The following SGCE variants were observed in gnomAD, a reference collection of about 807,000 sequenced individuals.
SGCE encodes the protein epsilon-sarcoglycan.
Under a neutral mutation model 57.8 loss-of-function variants are expected in SGCE, and 26 were observed. The observed-to-expected ratio is 0.45, with a 90% CI of 0.33 to 0.62. The LOEUF (loss-of-function observed/expected upper bound fraction) is 0.62, where lower values mean the gene tolerates loss of function less well. Among genes scored for constraint, SGCE ranks in the 20% least tolerant of loss-of-function variants. The probability of loss-of-function intolerance (pLI) is 0.02; values close to 1 mark genes in which losing one functional copy is unlikely to be tolerated. For missense variants in SGCE, 468 were observed against 548.6 expected, an observed-to-expected ratio of 0.85 and a Z score of 1.47; for synonymous variants, 183 against 189.5, an observed-to-expected ratio of 0.97 and a Z score of 0.28.
intron 8 of SGCE, chr7:94,599,246 C>T: frequency 3.2e-6 from 1 of 312,000 alleles, no homozygotes. Context: ...AACTAGTTTT[C>T]TATTTATTTT....
At position 94,591,218 on chromosome 7, in the gene SGCE, A is replaced by G. The variant is rs112560012; in HGVS notation, c.1254-2486T>C. Among the ~76,000 whole-genome samples, 569 of 152,340 alleles carry G rather than the reference A, an allele frequency of 3.7e-3. 10 individuals are homozygous for G. The highest frequency in any genetic ancestry group is 0.013 in the African/African-American group (542 of 41,574). On this transcript the variant is annotated intron_variant, in intron 9 of 10. Transcript: ENST00000648936. ...AAACTACAAAGAGGGAATAAGTTCT[A>G]CATTTAAAGATGGCAAGGCAAATAT...
At chr7:94,630,261 T>C (rs1296693011) in intron 1 of SGCE, among the ~76,000 whole-genome samples, 1 of 151,784 alleles carries the variant, frequency 6.6e-6, no homozygotes, top group East Asian at 1.9e-4. Flanking sequence ...AAGTACAGAG[T>C]AATTTTTAAG....
At chr7:94,604,853 A>ATG (rs1799850599) in intron 5 of SGCE, among the ~76,000 whole-genome samples, 1 of 97,942 alleles carries the variant, frequency 1.0e-5, no homozygotes, top group Non-Finnish European at 2.0e-5. Context: ...ATATATATAT[A>ATG]TATATAATAG....
At chr7:94,587,023 C>G in intron 10 of SGCE, 2 of 983,388 alleles carry the variant, frequency 2.0e-6, no homozygotes, top group Non-Finnish European at 2.4e-6. Context: ...GTAATAGGCT[C>G]TAGTGTTAAC....
intron 1 of SGCE, among the ~76,000 whole-genome samples, chr7:94,633,211 G>A (rs1182873445): frequency 6.6e-6 from 1 of 151,760 alleles, no homozygotes; most frequent in Non-Finnish European, 1.5e-5. Context: ...AAAACTATGG[G>A]TGGTTAAATC....
At chr7:94,586,968 C>G in intron 10 of SGCE, 6 of 983,822 alleles carry the variant, frequency 6.1e-6, no homozygotes, top group Non-Finnish European at 7.2e-6. Context: ...GTACTTTAGT[C>G]TATAATATGA....
intron 5 of SGCE, chr7:94,617,847 A>C (rs916017916): frequency 1.3e-5 from 2 of 152,198 alleles, no homozygotes; most frequent in African/African-American, 2.4e-5. Context: ...GCTATCCTTA[A>C]ATTTAATTCT....
chr7:94,588,947 C>G (rs978162115), intron 9 of SGCE: 1 of 570,774 alleles, frequency 1.8e-6, no homozygotes, highest in African/African-American at 1.9e-5. Context: ...ATGAAATTTT[C>G]ACTGCGGGCT....
intron 1 of SGCE, among the ~76,000 whole-genome samples, chr7:94,632,366 T>C (rs1019941393): frequency 6.6e-6 from 1 of 152,054 alleles, no homozygotes; most frequent in Non-Finnish European, 1.5e-5. Context: ...TAAAAAACAT[T>C]TCTGCGTTCT....
intron 7 of SGCE, 165 bp from the exon 8 acceptor site, chr7:94,599,888 T>C: frequency 1.6e-6 from 1 of 618,878 alleles, no homozygotes; most frequent in Middle Eastern, 2.9e-4. Context: ...CTTGGATGAG[T>C]ACACATACAG....
intron 1 of SGCE, among the ~76,000 whole-genome samples, chr7:94,648,758 G>A (rs1807473237): frequency 6.6e-6 from 1 of 152,142 alleles, no homozygotes; most frequent in Non-Finnish European, 1.5e-5. Flanking sequence ...TGCTAAGAAG[G>A]AGAAACAAAA....
chr7:94,640,459 T>C (rs963841219), intron 1 of SGCE, among the ~76,000 whole-genome samples: 1 of 152,292 alleles, frequency 6.6e-6, no homozygotes, highest in African/African-American at 2.4e-5. Context: ...ATCTGCTGTC[T>C]ACTCTCTGAT....
intron 1 of SGCE, among the ~76,000 whole-genome samples, chr7:94,643,807 G>A (rs756434213): frequency 1.3e-5 from 2 of 152,140 alleles, no homozygotes; most frequent in Non-Finnish European, 2.9e-5. Flanking sequence ...GTATTTTAAA[G>A]TTTAATTTTC....
chr7:94,645,962 C>T (rs1807012530), intron 1 of SGCE, among the ~76,000 whole-genome samples: 1 of 152,010 alleles, frequency 6.6e-6, no homozygotes, highest in Non-Finnish European at 1.5e-5. Flanking sequence ...TTTTTTTCCA[C>T]AATCATGACA....
Position 94,599,680 on chromosome 7 carries a change from G to A in SGCE, c.1064+17C>T. ...GGAAAAAATGATGAAGAAAATAACA[G>A]GAAAGAAGACACTTACTCTGGTGTT... On this transcript the variant is annotated intron_variant, in intron 8 of 10. Transcript: ENST00000648936. 2 of 1,608,052 alleles carry A rather than the reference G, an allele frequency of 1.2e-6. No homozygotes were observed. Among genetic ancestry groups the A allele is most frequent in the African/African-American group, 2.7e-5 (2 of 74,926 alleles).
At chr7:94,632,706 C>A (rs146488969) in intron 1 of SGCE, among the ~76,000 whole-genome samples, 1 of 152,050 alleles carries the variant, frequency 6.6e-6, no homozygotes, top group Non-Finnish European at 1.5e-5. Context: ...TAGAGGAGTG[C>A]CCTTTGCCTT....
intron 1 of SGCE, among the ~76,000 whole-genome samples, chr7:94,649,805 A>C (rs1267941823): frequency 6.6e-6 from 1 of 152,230 alleles, no homozygotes; most frequent in Non-Finnish European, 1.5e-5. Flanking sequence ...GTGAGGCAGA[A>C]GTGAAAGCTG....
At chr7:94,596,026 A>G (rs1584507816) in intron 9 of SGCE, among the ~76,000 whole-genome samples, 1 of 152,264 alleles carries the variant, frequency 6.6e-6, no homozygotes, top group African/African-American at 2.4e-5. Flanking sequence ...GTGCTAGTTA[A>G]TGGAGCTTTT....
chr7:94,623,424 A>G, intron 3 of SGCE, 27 bp from the exon 4 acceptor site: 3 of 1,417,864 alleles, frequency 2.1e-6, no homozygotes, highest in South Asian at 2.3e-5. Flanking sequence ...ACCATATTAA[A>G]GAAGTGAAAT....
Sources: gnomAD v4.1 joint callset for allele counts (sites outside exome capture counted in the v4.1 genomes callset) on GRCh38, gnomAD v4.1.1 for gene constraint, MANE v1.5 for transcripts, NCBI Gene and HGNC (gene_info 2026-07-23, HGNC 2026-07-21) for gene names.